Variants in DRC5 observed in about 807,000 individuals in gnomAD.
DRC5 encodes dynein regulatory complex subunit 5, also known as T-complex-associated testis-expressed protein 1.
At chr6:44,291,829 T>C in the DRC5 span, among the ~76,000 whole-genome samples, 575 of 152,250 alleles carry the variant, frequency 3.8e-3, 2 homozygotes, top group African/African-American at 0.013. Flanking sequence ...ACTGGGATGC[T>C]GCCTAGGTCC....
the DRC5 span, among the ~76,000 whole-genome samples, chr6:44,295,294 G>A: frequency 6.6e-6 from 1 of 152,190 alleles, no homozygotes; most frequent in Non-Finnish European, 1.5e-5. Context: ...TCTCAGAGGG[G>A]GAAAGTGGGA....
At chr6:44,295,784 C>A in the DRC5 span, among the ~76,000 whole-genome samples, 40 of 152,248 alleles carry the variant, frequency 2.6e-4, no homozygotes, top group East Asian at 3.9e-3. Context: ...CTCCACGGTG[C>A]CCCCCACTAT....
At chr6:44,290,346 CTGAGATAATGGTCGGTTAATAT>C in the DRC5 span, among the ~76,000 whole-genome samples, 2 of 152,168 alleles carry the variant, frequency 1.3e-5, no homozygotes, top group African/African-American at 4.8e-5. Flanking sequence ...GGAGATCCCC[CTGAGATAATGGTCGGTTAATAT>C]TGATCATTGT....
At chr6:44,281,658 T>A in the DRC5 span, among the ~76,000 whole-genome samples, 1 of 152,352 alleles carries the variant, frequency 6.6e-6, no homozygotes, top group African/African-American at 2.4e-5. Flanking sequence ...GTGCTGGGAT[T>A]ACAGGCGTGA....
At chr6:44,287,111 T>A in the DRC5 span, 1 of 820,738 alleles carries the variant, frequency 1.2e-6, no homozygotes, top group African/African-American at 1.9e-5. Flanking sequence ...CCCCATCTGG[T>A]AGGAGAGGCT....
chr6:44,293,610 C>T, the DRC5 span, among the ~76,000 whole-genome samples: 5 of 152,202 alleles, frequency 3.3e-5, no homozygotes, highest in Non-Finnish European at 1.5e-5. Context: ...GGGCAGGTCT[C>T]CTACCTCTAG....
the DRC5 span, chr6:44,286,500 G>A: frequency 6.2e-7 from 1 of 1,613,854 alleles, no homozygotes; most frequent in Non-Finnish European, 8.5e-7. Context: ...TTCTGCTGGT[G>A]TTCCGGGAGC....
At chr6:44,289,747 T>C in the DRC5 span, among the ~76,000 whole-genome samples, 1,014 of 152,332 alleles carry the variant, frequency 6.7e-3, 6 homozygotes, top group Non-Finnish European at 0.011. Context: ...ATAGAGGATG[T>C]GTCTTGGTCC....
the DRC5 span, among the ~76,000 whole-genome samples, chr6:44,285,355 CG>C: frequency 6.6e-6 from 1 of 152,170 alleles, no homozygotes; most frequent in Non-Finnish European, 1.5e-5. Flanking sequence ...ATGGAATATT[CG>C]GGACATACTT....
the DRC5 span, chr6:44,286,540 A>C: frequency 6.9e-6 from 11 of 1,605,298 alleles, no homozygotes; most frequent in Non-Finnish European, 8.5e-6. Context: ...TTTCTTTGGG[A>C]ACAGAGGAAG....
the DRC5 span, chr6:44,286,454 G>C: frequency 6.2e-7 from 1 of 1,614,098 alleles, no homozygotes; most frequent in Non-Finnish European, 8.5e-7. Flanking sequence ...GGCGGTCACA[G>C]CCAGTGGTAG....
chr6:44,288,644 A>C, the DRC5 span, among the ~76,000 whole-genome samples: 1 of 152,232 alleles, frequency 6.6e-6, no homozygotes, highest in African/African-American at 2.4e-5. Context: ...AATGCAAGCC[A>C]AAATGCAAGC....
chr6:44,287,967 G>A, the DRC5 span: 3 of 1,051,606 alleles, frequency 2.9e-6, no homozygotes, highest in Non-Finnish European at 4.0e-6. Flanking sequence ...GGGTCTTGGT[G>A]GGCATTTACT....
the DRC5 span, among the ~76,000 whole-genome samples, chr6:44,293,275 TC>T: frequency 7.4e-6 from 1 of 135,940 alleles, no homozygotes; most frequent in East Asian, 2.2e-4. Flanking sequence ...AGTTACAAGG[TC>T]CTTTCAAGGT....
the DRC5 span, among the ~76,000 whole-genome samples, chr6:44,290,577 T>C: frequency 1.7e-4 from 26 of 152,134 alleles, no homozygotes; most frequent in African/African-American, 6.3e-4. Flanking sequence ...TGGGGGCTCA[T>C]AGACAGTACG....
At chr6:44,279,751 GTGTGTGT>G in the DRC5 span, 10 of 28,844 alleles carry the variant, frequency 3.5e-4, no homozygotes, top group Admixed American at 1.2e-3. Context: ...GCCAGAGGGT[GTGTGTGT>G]GTGTGTGTGT....
the DRC5 span, chr6:44,279,180 C>T: frequency 6.6e-6 from 1 of 152,324 alleles, no homozygotes; most frequent in Non-Finnish European, 1.5e-5. Context: ...AGCTAGGTCT[C>T]TTGTGGCCCT....
chr6:44,281,352 A>G, the DRC5 span, among the ~76,000 whole-genome samples: 9 of 152,278 alleles, frequency 5.9e-5, no homozygotes, highest in South Asian at 1.2e-3. Context: ...CACGTCATAA[A>G]TTTCAATATT....
chr6:44,297,437 G>T, the DRC5 span, among the ~76,000 whole-genome samples: 2 of 152,240 alleles, frequency 1.3e-5, no homozygotes, highest in South Asian at 2.1e-4. Context: ...CTGTGGTGGG[G>T]AGGAGGCGCG....
Sources: gnomAD v4.1 joint callset for allele counts (sites outside exome capture counted in the v4.1 genomes callset) on GRCh38, gnomAD v4.1.1 for gene constraint, MANE v1.5 for transcripts, NCBI Gene and HGNC (gene_info 2026-07-23, HGNC 2026-07-21) for gene names.